The following PTPRZ1 variants were observed in gnomAD, a reference collection of about 807,000 sequenced individuals.
PTPRZ1 encodes protein tyrosine phosphatase receptor type Z1.
Under a neutral mutation model 214.1 loss-of-function variants are expected in PTPRZ1, and 82 were observed. That is an observed-to-expected ratio of 0.38 (90% CI 0.32 to 0.46). The LOEUF (loss-of-function observed/expected upper bound fraction) is 0.46, where lower values mean the gene tolerates loss of function less well. Ranked by LOEUF, PTPRZ1 falls within the 20% of genes least tolerant of loss-of-function variation. The pLI is 1.00. For synonymous variants in PTPRZ1, 945 were observed against 987.9 expected, an observed-to-expected ratio of 0.96 and a Z score of 0.81; for missense variants, 2,603 against 2,748.7, an observed-to-expected ratio of 0.95 and a Z score of 1.19.
intron 1 of PTPRZ1, among the ~76,000 whole-genome samples, chr7:121,917,313 T>A (rs1279704852): frequency 2.6e-5 from 4 of 152,212 alleles, no homozygotes; most frequent in Admixed American, 2.6e-4. Flanking sequence ...AGTGTTTAAT[T>A]TTTTTAAATT....
At chr7:122,016,913 G>T (rs114053549) in intron 12 of PTPRZ1, among the ~76,000 whole-genome samples, 1 of 151,992 alleles carries the variant, frequency 6.6e-6, no homozygotes, top group African/African-American at 2.4e-5. Flanking sequence ...TGGAGGACTC[G>T]TCAAAACACA....
At chr7:122,054,466 T>C (rs1792288481) in intron 26 of PTPRZ1, among the ~76,000 whole-genome samples, 1 of 152,120 alleles carries the variant, frequency 6.6e-6, no homozygotes, top group South Asian at 2.1e-4. Flanking sequence ...GGAAGGACTT[T>C]TTTAGTATAA....
chr7:122,019,038 A>G (rs1798932906), intron 12 of PTPRZ1, 86 bp from the exon 13 acceptor site: 4 of 1,296,346 alleles, frequency 3.1e-6, no homozygotes, highest in Non-Finnish European at 3.2e-6. Flanking sequence ...AGTAACAGCA[A>G]TGAAGGTTGC....
intron 11 of PTPRZ1, among the ~76,000 whole-genome samples, chr7:122,008,494 A>G (rs1798556785): frequency 6.6e-6 from 1 of 152,166 alleles, no homozygotes; most frequent in Non-Finnish European, 1.5e-5. Context: ...AGAAGTGCGA[A>G]TTAGCTTTAG....
chr7:121,910,088 C>T (rs1795225568), intron 1 of PTPRZ1, among the ~76,000 whole-genome samples: 1 of 152,192 alleles, frequency 6.6e-6, no homozygotes, highest in Admixed American at 6.5e-5. Context: ...TCTCCCCTGC[C>T]TGCTCTCAGC....
At chr7:121,906,794 A>G (rs1234725156) in intron 1 of PTPRZ1, among the ~76,000 whole-genome samples, 1 of 152,210 alleles carries the variant, frequency 6.6e-6, no homozygotes, top group Non-Finnish European at 1.5e-5. Flanking sequence ...CCTAGTATCA[A>G]TTAAAATAAT....
chr7:122,031,106 C>T (rs569167789), intron 14 of PTPRZ1, among the ~76,000 whole-genome samples: 4 of 152,114 alleles, frequency 2.6e-5, no homozygotes, highest in African/African-American at 9.6e-5. Flanking sequence ...TATATTATTT[C>T]TACATTTTTT....
chr7:122,012,198 A>C lies in PTPRZ1; in HGVS notation c.3152A>C (p.Glu1051Ala). The C allele has an allele frequency of 6.2e-7, 1 of 1,613,928 alleles. No homozygotes were observed. Among genetic ancestry groups the C allele is most frequent in the Non-Finnish European group, 8.5e-7 (1 of 1,179,786 alleles). The change falls in exon 12 of 30, where the codon GAG (glutamate) becomes GCG (alanine). Residue 1051 changes from glutamate to alanine, a missense_variant. Around this residue, in one of 6 missense-constraint regions of PTPRZ1, gnomAD observed 1,913 missense variants for 1,914.3 expected, o/e 1.00. Coordinates refer to ENST00000393386, the MANE Select transcript of PTPRZ1 (RefSeq NM_002851.3). ...AAAAGTGAAATAATATATGGAAATG[A>C]GACTGAACTGCAAATTCCTTCTTTC... ...LSKSEIIYGN[E>A]TELQIPSFNE... is the part of the protein sequence containing the mutation.
intron 8 of PTPRZ1, among the ~76,000 whole-genome samples, chr7:121,990,634 G>A (rs548266136): frequency 1.5e-4 from 22 of 145,890 alleles, no homozygotes; most frequent in African/African-American, 3.3e-4. Context: ...ATTCTCCTGC[G>A]TCAGCCTCCC....
Position 122,010,841 on chromosome 7 carries a change from A to G in PTPRZ1, c.1795A>G (p.Ile599Val), listed in dbSNP as rs1025207718. Reference sequence around the variant, plus strand: ...TCCCGCAACTTCTGCTATCCCATTCATCTCTGAGAACATATCCCAAGGGTA... The same window carrying G: ...TCCCGCAACTTCTGCTATCCCATTCGTCTCTGAGAACATATCCCAAGGGTA... ...SSPATSAIPF[I>V]SENISQGYIF... Residue 599 changes from isoleucine to valine, a missense_variant, in exon 12 of 30, where the codon ATC becomes GTC. This residue lies in a region of PTPRZ1 where 1,913 missense variants were observed against 1,914.3 expected (regional missense o/e 1.00). Coordinates refer to ENST00000393386, the MANE Select transcript of PTPRZ1 (RefSeq NM_002851.3). The G allele has an allele frequency of 6.2e-7, 1 of 1,613,966 alleles. No individual in the cohort carries two copies. Among genetic ancestry groups the G allele is most frequent in the Admixed American group, 1.7e-5 (1 of 59,982 alleles).
In PTPRZ1 at chr7:122,019,115, T is replaced by C. The variant is rs2116683485; in HGVS notation, c.4844-9T>C. On this transcript the variant is annotated splice_polypyrimidine_tract_variant and intron_variant, in intron 12 of 29. Transcript: ENST00000393386. The stretch of plus-strand genomic sequence containing the variant: ...AAATATCAATTCTCTCAATTTTCTC[T>C]GACTACAGAGGCCAGTAATAGTAGC... 1.9e-6 allele frequency: 3 copies of C among 1,589,586 alleles called. No homozygotes were observed. Among genetic ancestry groups the C allele is most frequent in the Non-Finnish European group, 2.6e-6 (3 of 1,168,454 alleles).
At chr7:121,997,493 G>T (rs1164874442) in intron 9 of PTPRZ1, among the ~76,000 whole-genome samples, 1 of 151,902 alleles carries the variant, frequency 6.6e-6, no homozygotes, top group Non-Finnish European at 1.5e-5. Flanking sequence ...CATATATATT[G>T]TCAAGAAAAA....
intron 2 of PTPRZ1, among the ~76,000 whole-genome samples, chr7:121,929,706 G>A (rs1183781133): frequency 6.6e-6 from 1 of 151,788 alleles, no homozygotes. Context: ...TACTTAGGAG[G>A]CTGAGGCAGG....
chr7:122,015,405 G>A (rs1584744996), intron 12 of PTPRZ1, among the ~76,000 whole-genome samples: 1 of 152,040 alleles, frequency 6.6e-6, no homozygotes, highest in Non-Finnish European at 1.5e-5. Flanking sequence ...CTTCAGTGCA[G>A]CAGCAATTAA....
rs764942175 is a variant in PTPRZ1, at chr7:122,031,463, T to A, written c.5081-11T>A. 2 of 1,603,034 alleles carry A rather than the reference T, an allele frequency of 1.2e-6. No individual in the cohort carries two copies. The highest frequency in any genetic ancestry group is 1.3e-5 in the African/African-American group (1 of 74,620). Reference sequence around the variant, plus strand: ...ATTATGCTCTCTAACACAATTTTTTTATTCACGTAGATGATGTCGGAGCAA... The same window carrying A: ...ATTATGCTCTCTAACACAATTTTTTAATTCACGTAGATGATGTCGGAGCAA... On this transcript the variant is annotated splice_polypyrimidine_tract_variant and intron_variant, in intron 14 of 29. Transcript: ENST00000393386.
intron 18 of PTPRZ1, among the ~76,000 whole-genome samples, chr7:122,038,437 C>T (rs760398896): frequency 4.6e-5 from 7 of 151,176 alleles, no homozygotes; most frequent in East Asian, 1.9e-4. Context: ...GCAAGTAGAC[C>T]GCAAATGGAT....
intron 3 of PTPRZ1, among the ~76,000 whole-genome samples, 191 bp downstream of exon 3, chr7:121,968,321 T>C (rs1178775483): frequency 6.6e-6 from 1 of 151,552 alleles, no homozygotes; most frequent in East Asian, 1.9e-4. Context: ...AAAAAAAAAA[T>C]GACCAATGTC....
intron 23 of PTPRZ1, 40 bp downstream of exon 23, chr7:122,044,608 C>A: frequency 2.5e-6 from 4 of 1,591,706 alleles, no homozygotes; most frequent in Non-Finnish European, 3.4e-6. Flanking sequence ...CACTACAGAA[C>A]TGAATGTCCC....
intron 1 of PTPRZ1, among the ~76,000 whole-genome samples, chr7:121,899,147 A>AT (rs903605242): frequency 6.6e-4 from 100 of 151,652 alleles, no homozygotes; most frequent in South Asian, 1.2e-3. Flanking sequence ...GTACTAATGG[A>AT]TTTTTTTTTA....
Sources: gnomAD v4.1 joint callset for allele counts (sites outside exome capture counted in the v4.1 genomes callset) on GRCh38, gnomAD v4.1.1 for gene constraint, gnomAD v4.1.1 regional missense constraint, MANE v1.5 for transcripts, NCBI Gene and HGNC (gene_info 2026-07-23, HGNC 2026-07-21) for gene names.